Variants in PTPRM observed in about 807,000 individuals in gnomAD.
PTPRM encodes the protein receptor-type tyrosine-protein phosphatase mu.
PTPRM carries 47 observed loss-of-function variants against 186.7 expected under a neutral mutation model. The ratio of observed to expected loss-of-function variants is 0.25; its 90% CI spans 0.20 to 0.32. The LOEUF is 0.32. Ranked by LOEUF, PTPRM falls within the 10% of genes least tolerant of loss-of-function variation. The pLI is 1.00. For missense variants in PTPRM, 1,494 were observed against 1,865.0 expected (o/e 0.80, Z 3.66); for synonymous variants, 668 against 674.9 (o/e 0.99, Z 0.16).
chr18:8,190,640 A>G (rs1382920380), intron 14 of PTPRM, among the ~76,000 whole-genome samples: 4 of 152,154 alleles, frequency 2.6e-5, no homozygotes, highest in Non-Finnish European at 5.9e-5. Context: ...TAATAAATCT[A>G]TGTTCTGTTT....
chr18:8,202,771 G>T (rs193237849), intron 14 of PTPRM, among the ~76,000 whole-genome samples: 1 of 151,846 alleles, frequency 6.6e-6, no homozygotes, highest in African/African-American at 2.4e-5. Context: ...ACTCTGTCTC[G>T]ATTGTCCTGT....
intron 14 of PTPRM, among the ~76,000 whole-genome samples, chr18:8,211,262 G>A (rs2093999743): frequency 6.6e-6 from 1 of 151,896 alleles, no homozygotes; most frequent in South Asian, 2.1e-4. Context: ...AGGAAGGGGT[G>A]AAATGTGGGG....
intron 22 of PTPRM, among the ~76,000 whole-genome samples, chr18:8,333,820 T>C (rs935656108): frequency 1.3e-5 from 2 of 152,082 alleles, no homozygotes; most frequent in East Asian, 3.9e-4. Flanking sequence ...CCCTCCCCTT[T>C]CCCTTCGCAC....
At chr18:8,010,652 G>A (rs556116780) in intron 7 of PTPRM, among the ~76,000 whole-genome samples, 1 of 152,302 alleles carries the variant, frequency 6.6e-6, no homozygotes, top group East Asian at 1.9e-4. Flanking sequence ...AAGAGCCCAT[G>A]GACTTGGTGA....
chr18:7,632,234 T>C (rs1332900874), intron 1 of PTPRM, among the ~76,000 whole-genome samples: 1 of 152,204 alleles, frequency 6.6e-6, no homozygotes, highest in Non-Finnish European at 1.5e-5. Context: ...ATGGTGTTTT[T>C]CTGGATCAAT....
At chr18:7,732,039 A>G (rs1847883901) in intron 1 of PTPRM, among the ~76,000 whole-genome samples, 1 of 152,206 alleles carries the variant, frequency 6.6e-6, no homozygotes, top group Non-Finnish European at 1.5e-5. Flanking sequence ...TTATTGGTAT[A>G]AAAACTTAGG....
chr18:7,901,702 A>C (rs990673674), intron 3 of PTPRM, among the ~76,000 whole-genome samples: 3 of 152,202 alleles, frequency 2.0e-5, no homozygotes, highest in African/African-American at 7.2e-5. Flanking sequence ...GTTAGAAAAA[A>C]AACAAAGGGA....
intron 23 of PTPRM, among the ~76,000 whole-genome samples, chr18:8,349,289 G>A (rs555961118): frequency 6.6e-6 from 1 of 152,154 alleles, no homozygotes; most frequent in Non-Finnish European, 1.5e-5. Context: ...ATTAGTAATC[G>A]TTTTTACTAC....
intron 1 of PTPRM, among the ~76,000 whole-genome samples, chr18:7,569,169 T>A (rs1278008506): frequency 6.6e-6 from 1 of 152,178 alleles, no homozygotes; most frequent in Non-Finnish European, 1.5e-5. Flanking sequence ...CTCCGGTGCG[T>A]GGAAACCTTT....
chr18:8,226,885 A>C (rs1013856629), intron 14 of PTPRM, among the ~76,000 whole-genome samples: 5 of 152,114 alleles, frequency 3.3e-5, no homozygotes, highest in Non-Finnish European at 7.3e-5. Context: ...GACTACCCGC[A>C]TTCCTTGGCT....
intron 32 of PTPRM, among the ~76,000 whole-genome samples, chr18:8,400,696 T>TA (rs2148636337): frequency 6.6e-6 from 1 of 152,158 alleles, no homozygotes; most frequent in East Asian, 1.9e-4. Flanking sequence ...CTCTGTAACT[T>TA]ACAGCCGACC....
intron 1 of PTPRM, among the ~76,000 whole-genome samples, chr18:7,647,722 G>C (rs1209947700): frequency 6.6e-6 from 1 of 152,200 alleles, no homozygotes; most frequent in African/African-American, 2.4e-5. Flanking sequence ...TGACTTCAGG[G>C]GTTGTTGACT....
At chr18:7,641,878 A>G (rs993926956) in intron 1 of PTPRM, among the ~76,000 whole-genome samples, 3 of 152,210 alleles carry the variant, frequency 2.0e-5, no homozygotes, top group Non-Finnish European at 4.4e-5. Context: ...CACTTTACAG[A>G]TGAGGAAACT....
chr18:7,596,872 T>C (rs1329984852), intron 1 of PTPRM, among the ~76,000 whole-genome samples: 1 of 152,130 alleles, frequency 6.6e-6, no homozygotes, highest in Non-Finnish European at 1.5e-5. Flanking sequence ...ATTTTCTTTT[T>C]TTTCAGACAG....
intron 14 of PTPRM, among the ~76,000 whole-genome samples, chr18:8,205,448 G>C (rs2093914730): frequency 6.6e-6 from 1 of 152,108 alleles, no homozygotes; most frequent in Non-Finnish European, 1.5e-5. Context: ...ACTACACTGA[G>C]TCCTTTGGGT....
chr18:7,982,005 A>G (rs2082579819), intron 7 of PTPRM, among the ~76,000 whole-genome samples: 1 of 152,218 alleles, frequency 6.6e-6, no homozygotes, highest in South Asian at 2.1e-4. Context: ...GTGAGTGAAT[A>G]TGAAGGCCTA....
intron 2 of PTPRM, among the ~76,000 whole-genome samples, chr18:7,845,804 C>T (rs1178928829): frequency 6.6e-6 from 1 of 152,052 alleles, no homozygotes; most frequent in East Asian, 1.9e-4. Flanking sequence ...GTGGGATTCC[C>T]TGGGAAGCCA....
intron 5 of PTPRM, among the ~76,000 whole-genome samples, chr18:7,927,823 C>A (rs2051262918): frequency 6.6e-6 from 1 of 152,192 alleles, no homozygotes; most frequent in African/African-American, 2.4e-5. Flanking sequence ...TACCATCTCA[C>A]TCAACCTCCT....
intron 12 of PTPRM, among the ~76,000 whole-genome samples, 185 bp downstream of exon 12, chr18:8,113,944 A>ACTT (rs2091859211): frequency 9.3e-6 from 1 of 107,044 alleles, no homozygotes; most frequent in Non-Finnish European, 1.9e-5. Context: ...AAATATACTC[A>ACTT]TCTTTTTTTT....
Sources: gnomAD v4.1 joint callset for allele counts (sites outside exome capture counted in the v4.1 genomes callset) on GRCh38, gnomAD v4.1.1 for gene constraint, MANE v1.5 for transcripts, NCBI Gene and HGNC (gene_info 2026-07-23, HGNC 2026-07-21) for gene names.